PDE4DIP: variants seen among roughly 807,000 people sequenced by gnomAD.
The protein encoded by PDE4DIP is myomegalin.
PDE4DIP carries 59 observed loss-of-function variants against 221.4 expected under a neutral mutation model. The observed-to-expected ratio is 0.27, with a 90% confidence interval of 0.22 to 0.33. The LOEUF is 0.33. Among genes scored for constraint, PDE4DIP ranks in the 10% least tolerant of loss-of-function variants. The pLI is 1.00. For missense variants in PDE4DIP, 1,036 were observed against 2,154.2 expected (o/e 0.48, Z 10.28); for synonymous variants, 404 against 815.9 (o/e 0.50, Z 8.60).
chr1:148,820,736 G>C (rs1324919493), intron 1 of PDE4DIP, among the ~76,000 whole-genome samples: 71 of 146,976 alleles, frequency 4.8e-4, no homozygotes, highest in African/African-American at 1.8e-3. Flanking sequence ...GGCTAGAATT[G>C]TCTTCTTTGC....
intron 16 of PDE4DIP, among the ~76,000 whole-genome samples, chr1:148,973,254 C>T (rs1429834684): frequency 1.3e-5 from 2 of 151,946 alleles, no homozygotes; most frequent in Non-Finnish European, 2.9e-5. Flanking sequence ...GCTCACCTCT[C>T]GAGTAGCTGG....
intron 21 of PDE4DIP, among the ~76,000 whole-genome samples, chr1:148,986,653 C>G (rs1231117407): frequency 2.6e-5 from 4 of 152,140 alleles, no homozygotes; most frequent in East Asian, 1.9e-4. Flanking sequence ...TTTCTCCTCT[C>G]GAAGAAGTGA....
At chr1:149,013,153 A>C (rs1284074862) in intron 32 of PDE4DIP, among the ~76,000 whole-genome samples, 1 of 152,246 alleles carries the variant, frequency 6.6e-6, no homozygotes, top group Non-Finnish European at 1.5e-5. Flanking sequence ...AGATGGCCAC[A>C]TTCAGTGGGC....
At chr1:148,971,270 A>G (rs1232193413) in intron 14 of PDE4DIP, among the ~76,000 whole-genome samples, 2 of 150,654 alleles carry the variant, frequency 1.3e-5, no homozygotes, top group African/African-American at 2.4e-5. Flanking sequence ...TGTGCCAGAC[A>G]CCGTACTGGG....
At chr1:148,985,262 A>C (rs1185854026) in intron 21 of PDE4DIP, 17 of 152,090 alleles carry the variant, frequency 1.1e-4, no homozygotes, top group Admixed American at 1.0e-3. Context: ...ATGGAACTCC[A>C]ATGTGGCAAT....
rs782323512 is a variant in PDE4DIP at position 149,026,820 on chromosome 1, AC to A, written c.6432del (p.Asn2144LysfsTer13). ...CCTGGCTCAGAAACGCCCATAATCA[AC>A]AGAGCAAATGGTAAATATGGCAACT... On this transcript the variant is annotated frameshift_variant, in exon 39 of 44. Coordinates refer to ENST00000369354, the Ensembl canonical transcript of PDE4DIP. LOFTEE classifies it high-confidence loss of function. 8.4e-6 allele frequency: 5 copies of A among 591,864 alleles called. No individual in the cohort carries two copies. Among genetic ancestry groups the A allele is most frequent in the Non-Finnish European group, 1.5e-5 (5 of 333,452 alleles). 36.7% of individuals were successfully genotyped at this position (591,864 alleles called of 1,614,324 possible). A position where few individuals can be genotyped will look rare whatever the true frequency, so the allele number is the denominator to read the frequency against.
chr1:148,813,474 T>C (rs1666939539), intron 1 of PDE4DIP, among the ~76,000 whole-genome samples: 1 of 92,198 alleles, frequency 1.1e-5, no homozygotes, highest in Non-Finnish European at 2.4e-5. Context: ...CAAGTTTTAT[T>C]ATATATGTTC....
chr1:148,948,441 C>T (rs1161759485), intron 5 of PDE4DIP, among the ~76,000 whole-genome samples: 2 of 147,012 alleles, frequency 1.4e-5, no homozygotes, highest in African/African-American at 5.0e-5. Context: ...CACTGCACTC[C>T]AGCCTGGGTG....
At chr1:148,987,134 G>T (rs1333817007) in intron 21 of PDE4DIP, among the ~76,000 whole-genome samples, 1 of 152,230 alleles carries the variant, frequency 6.6e-6, no homozygotes, top group African/African-American at 2.4e-5. Flanking sequence ...TGAAACATGT[G>T]AGCTGGAAAG....
At chr1:148,986,612 T>TA (rs2061946303) in intron 21 of PDE4DIP, 1 of 152,170 alleles carries the variant, frequency 6.6e-6, no homozygotes, top group African/African-American at 2.4e-5. Context: ...AATGAGTCTT[T>TA]AACTAAAGGA....
intron 1 of PDE4DIP, among the ~76,000 whole-genome samples, chr1:148,820,555 C>CA (rs148261220): frequency 0.015 from 573 of 39,320 alleles, 5 homozygotes; most frequent in African/African-American, 0.031. Context: ...AACTCCATCT[C>CA]AAAAAAAAAA....
At chr1:149,030,673 T>A (rs2076484392) in intron 43 of PDE4DIP, 2 of 920,944 alleles carry the variant, frequency 2.2e-6, no homozygotes, top group Non-Finnish European at 2.6e-6. Context: ...CTACTCTTCA[T>A]GAAAAAGTAA....
At position 148,978,444 on chromosome 1, in the gene PDE4DIP, A is replaced by G. The variant is rs782026861; in HGVS notation, c.2574+29A>G. On this transcript the variant is annotated intron_variant, in intron 19 of 43. Coordinates refer to ENST00000369354, the Ensembl canonical transcript of PDE4DIP. ...AGTTACTGGAATATAAACCTTATTT[A>G]TTTATTTACATTTTTTTGTATTCTT... The G allele has an allele frequency of 5.8e-6, 8 of 1,384,612 alleles. No individual in the cohort carries two copies. The South Asian group carries it at 9.6e-5, about 17-fold the overall frequency. The allele number at this position is 1,384,612 out of a possible 1,614,324, so 85.8% of individuals were successfully genotyped here. A position where few individuals can be genotyped will look rare whatever the true frequency, so the allele number is the denominator to read the frequency against.
intron 4 of PDE4DIP, among the ~76,000 whole-genome samples, chr1:148,932,984 G>T (rs1292289827): frequency 4.0e-4 from 61 of 152,170 alleles, no homozygotes; most frequent in African/African-American, 1.4e-3. Context: ...TTATGAGCCA[G>T]AGTGTGAACC....
chr1:148,820,758 G>C (rs1324449797), intron 1 of PDE4DIP, among the ~76,000 whole-genome samples: 2 of 148,374 alleles, frequency 1.3e-5, no homozygotes, highest in Non-Finnish European at 3.0e-5. Flanking sequence ...ATGGTTTATA[G>C]TCTTGGTGGG....
chr1:148,925,686 G>A (rs1254747829), intron 1 of PDE4DIP, among the ~76,000 whole-genome samples: 2 of 151,876 alleles, frequency 1.3e-5, no homozygotes, highest in African/African-American at 4.8e-5. Flanking sequence ...GTGAATCAAG[G>A]TTGTTGCACA....
At chr1:148,982,337 G>T (rs2061258927) in intron 21 of PDE4DIP, 1 of 152,134 alleles carries the variant, frequency 6.6e-6, no homozygotes, top group Non-Finnish European at 1.5e-5. Flanking sequence ...AGCCAGAAGA[G>T]GGTATTGCTT....
intron 17 of PDE4DIP, among the ~76,000 whole-genome samples, chr1:148,975,615 T>C (rs1553536875): frequency 6.6e-6 from 1 of 152,216 alleles, no homozygotes; most frequent in Non-Finnish European, 1.5e-5. Flanking sequence ...CAATTTTTTT[T>C]GGAAGAGGCC....
At chr1:148,980,734 G>A (rs1424015588) in intron 20 of PDE4DIP, among the ~76,000 whole-genome samples, 18 of 152,142 alleles carry the variant, frequency 1.2e-4, no homozygotes, top group Non-Finnish European at 1.6e-4. Context: ...TGAAGGCAGA[G>A]GAAAGGTATG....
Sources: gnomAD v4.1 joint callset for allele counts (sites outside exome capture counted in the v4.1 genomes callset) on GRCh38, gnomAD v4.1.1 for gene constraint, MANE v1.5 for transcripts, NCBI Gene and HGNC (gene_info 2026-07-23, HGNC 2026-07-21) for gene names.